Variants in SMARCA5 observed in about 807,000 individuals in gnomAD.
The protein encoded by SMARCA5 is SWI/SNF-related matrix-associated actin-dependent regulator of chromatin subfamily A member 5.
In SMARCA5, 18 loss-of-function variants were observed where a neutral mutation model predicts 140.4. The observed-to-expected ratio is 0.13, with a 90% CI of 0.09 to 0.19. The LOEUF (loss-of-function observed/expected upper bound fraction) is 0.19, where lower values mean the gene tolerates loss of function less well. Ranked by LOEUF, SMARCA5 falls within the 10% of genes least tolerant of loss-of-function variation. The pLI is 1.00. For missense variants in SMARCA5, 606 were observed against 1,276.8 expected (o/e 0.47, Z 8.01); for synonymous variants, 449 against 419.6 (o/e 1.07, Z -0.86).
intron 4 of SMARCA5, among the ~76,000 whole-genome samples, chr4:143,524,937 G>A (rs1301617611): frequency 6.6e-6 from 1 of 151,882 alleles, no homozygotes; most frequent in East Asian, 1.9e-4. Context: ...TGACCGTTAT[G>A]TATATTTGGT....
At position 143,531,599 on chromosome 4, in the gene SMARCA5, C is replaced by A. The variant is rs531883653; in HGVS notation, c.1158+1073C>A. ...CTCACTAGATGGCAGTAGTAACATTCCTCCAGTTGTGACAACCAAAAATTT... is the reference window on the plus strand; with the variant it reads ...CTCACTAGATGGCAGTAGTAACATTACTCCAGTTGTGACAACCAAAAATTT... On this transcript the variant is annotated intron_variant, in intron 9 of 23. Coordinates refer to ENST00000283131, the MANE Select transcript of SMARCA5 (RefSeq NM_003601.4). 4.6e-5 allele frequency among the ~76,000 whole-genome samples: 7 copies of A among 152,278 alleles called. No homozygotes were observed. In the South Asian group the frequency reaches 1.5e-3, roughly 32 times the overall value.
intron 5 of SMARCA5, 34 bp from the exon 6 acceptor site, chr4:143,526,247 T>C (rs1233319805): frequency 3.2e-6 from 5 of 1,555,894 alleles, no homozygotes; most frequent in Non-Finnish European, 4.4e-6. Context: ...ATTTTCATTT[T>C]TCACTGCTTC....
chr4:143,523,307 G>A (rs1192503104), intron 3 of SMARCA5, among the ~76,000 whole-genome samples: 1 of 151,772 alleles, frequency 6.6e-6, no homozygotes, highest in Non-Finnish European at 1.5e-5. Flanking sequence ...GATTACAGGC[G>A]TGAGCCACTG....
intron 21 of SMARCA5, among the ~76,000 whole-genome samples, 182 bp from the exon 22 acceptor site, chr4:143,547,746 T>A (rs1737561181): frequency 6.6e-6 from 1 of 152,098 alleles, no homozygotes; most frequent in Non-Finnish European, 1.5e-5. Flanking sequence ...TGTATTTCTC[T>A]TTATAATAAT....
chr4:143,539,131 A>G (rs1478983418), intron 13 of SMARCA5, among the ~76,000 whole-genome samples, 193 bp downstream of exon 13: 2 of 152,134 alleles, frequency 1.3e-5, no homozygotes, highest in African/African-American at 4.8e-5. Flanking sequence ...GCCATATCTT[A>G]GGACCCTGGA....
chr4:143,557,438 T>A lies in SMARCA5; in HGVS notation c.*4254T>A, dbSNP rs1379440629. 6.6e-6 allele frequency: 1 copy of A among 152,164 alleles called. No individual in the cohort carries two copies. The highest frequency in any genetic ancestry group is 2.4e-5 in the African/African-American group (1 of 41,444). The allele number at this position is 152,164 out of a possible 1,614,324, so 9.4% of individuals were successfully genotyped here. ...ATTGTGAATAAATTGGGAAAAGAAA[T>A]AGAGATAAGTAGAGATTATTTCACT... On this transcript the variant is annotated 3_prime_UTR_variant, in exon 24 of 24. Coordinates refer to ENST00000283131, the MANE Select transcript of SMARCA5 (RefSeq NM_003601.4).
rs1290578894 is a variant in SMARCA5, at chr4:143,556,063, A to C, written c.*2879A>C. 1 of 152,196 alleles carries C rather than the reference A, an allele frequency of 6.6e-6. No homozygotes were observed. The highest frequency in any genetic ancestry group is 6.5e-5 in the Admixed American group (1 of 15,274). The allele number at this position is 152,196 out of a possible 1,614,324, so 9.4% of individuals were successfully genotyped here. On this transcript the variant is annotated 3_prime_UTR_variant, in exon 24 of 24. Transcript: ENST00000283131. ...GAGCATCCCTAATCAAAAAATCTAAAATCAGAAATGCTCCATAATTTGAAT... is the reference window on the plus strand; with the variant it reads ...GAGCATCCCTAATCAAAAAATCTAACATCAGAAATGCTCCATAATTTGAAT...
chr4:143,514,328 CTT>C (rs1044556545), intron 1 of SMARCA5: 19 of 499,290 alleles, frequency 3.8e-5, no homozygotes, highest in African/African-American at 2.9e-4. Context: ...TTATTTGTCT[CTT>C]TCGTGAATCC....
intron 14 of SMARCA5, among the ~76,000 whole-genome samples, chr4:143,541,916 G>A (rs1050560675): frequency 6.6e-6 from 1 of 151,518 alleles, no homozygotes; most frequent in Non-Finnish European, 1.5e-5. Context: ...GGAGTGCAAT[G>A]GCACGATCTC....
Position 143,529,868 on chromosome 4 carries a change from C to G in SMARCA5, c.1090-590C>G, listed in dbSNP as rs552302591. On this transcript the variant is annotated intron_variant, in intron 8 of 23. Coordinates refer to ENST00000283131, the MANE Select transcript of SMARCA5 (RefSeq NM_003601.4). ...TATTTTGATGTTTTTGAGATAATTC[C>G]TGTTTCTCACTACATTGACACTTTC... Among the ~76,000 whole-genome samples the G allele has an allele frequency of 5.3e-5, 8 of 152,144 alleles. No individual in the cohort carries two copies. The Middle Eastern group carries it at 0.014, about 261-fold the overall frequency.
chr4:143,515,401 G>A (rs1295154916), intron 1 of SMARCA5, among the ~76,000 whole-genome samples: 2 of 151,978 alleles, frequency 1.3e-5, no homozygotes, highest in African/African-American at 2.4e-5. Flanking sequence ...TTTTCCTTAA[G>A]GAAATGGTTC....
At chr4:143,539,762 C>T (rs1038925653) in intron 13 of SMARCA5, among the ~76,000 whole-genome samples, 1 of 152,042 alleles carries the variant, frequency 6.6e-6, no homozygotes, top group Admixed American at 6.6e-5. Flanking sequence ...TCTCGAACTC[C>T]TCACCTTCAG....
Position 143,553,246 on chromosome 4 carries a change from A to C in SMARCA5, c.*62A>C, listed in dbSNP as rs1737681324. Reference sequence around the variant, plus strand: ...GTAGTTCTTTAATTTACGGGTCTTCATAAGATGTACTGTACAATGCTCAAT... The same window carrying C: ...GTAGTTCTTTAATTTACGGGTCTTCCTAAGATGTACTGTACAATGCTCAAT... On this transcript the variant is annotated 3_prime_UTR_variant, in exon 24 of 24. Coordinates refer to ENST00000283131, the MANE Select transcript of SMARCA5 (RefSeq NM_003601.4). The C allele has an allele frequency of 8.8e-7, 1 of 1,132,622 alleles. No homozygotes were observed. Among genetic ancestry groups the C allele is most frequent in the Non-Finnish European group, 1.3e-6 (1 of 742,832 alleles). 70.2% of individuals were successfully genotyped at this position (1,132,622 alleles called of 1,614,324 possible). A position where few individuals can be genotyped will look rare whatever the true frequency, so the allele number is the denominator to read the frequency against.
intron 1 of SMARCA5, among the ~76,000 whole-genome samples, chr4:143,516,567 A>G (rs1431317189): frequency 6.6e-6 from 1 of 152,216 alleles, no homozygotes; most frequent in Non-Finnish European, 1.5e-5. Flanking sequence ...ACAAGTGCCA[A>G]GGGTCTTAAC....
chr4:143,523,951 C>A (rs1325036710), intron 3 of SMARCA5, among the ~76,000 whole-genome samples: 2 of 152,126 alleles, frequency 1.3e-5, no homozygotes, highest in African/African-American at 4.8e-5. Flanking sequence ...GTGGTCACTG[C>A]TTAAATTTCT....
At chr4:143,538,749 G>T in intron 12 of SMARCA5, 37 bp from the exon 13 acceptor site, 2 of 1,613,286 alleles carry the variant, frequency 1.2e-6, no homozygotes, top group Non-Finnish European at 8.5e-7. Context: ...AAAAGAATCA[G>T]ATAAATTTTT....
At chr4:143,534,267 A>G (rs1225020973) in intron 9 of SMARCA5, among the ~76,000 whole-genome samples, 2 of 152,164 alleles carry the variant, frequency 1.3e-5, no homozygotes, top group Non-Finnish European at 2.9e-5. Flanking sequence ...TGAGCCTACA[A>G]TATCTCTGAG....
At chr4:143,553,078 A>G in intron 23 of SMARCA5, 41 bp from the exon 24 acceptor site, 2 of 1,442,346 alleles carry the variant, frequency 1.4e-6, no homozygotes, top group Non-Finnish European at 2.0e-6. Context: ...TTTCATGTTT[A>G]TATTAGTCTT....
chr4:143,521,732 G>A, intron 3 of SMARCA5, 137 bp downstream of exon 3: 1 of 762,128 alleles, frequency 1.3e-6, no homozygotes, highest in Non-Finnish European at 2.1e-6. Context: ...GGCTTGGCAT[G>A]ATTTAGCCAT....
Sources: allele counts gnomAD v4.1 joint callset (sites outside exome capture counted in the v4.1 genomes callset), GRCh38; gene constraint gnomAD v4.1.1; transcripts MANE v1.5; gene names NCBI Gene and HGNC (gene_info 2026-07-23, HGNC 2026-07-21).